Variants in PHAF1 observed in about 807,000 individuals in gnomAD.
The protein encoded by PHAF1 is phagophore assembly factor 1.
A neutral mutation model predicts 63.1 loss-of-function variants in PHAF1; 23 were observed. The ratio of observed to expected loss-of-function variants is 0.36; its 90% CI spans 0.26 to 0.52. PHAF1 has a LOEUF of 0.52. Among genes scored for constraint, PHAF1 ranks in the 20% least tolerant of loss-of-function variants. PHAF1 has a pLI of 0.93. For missense variants in PHAF1, 427 were observed against 517.2 expected (o/e 0.83, Z 1.69); for synonymous variants, 167 against 185.0 (o/e 0.90, Z 0.79).
At chr16:67,144,769 T>C in intron 11 of PHAF1, 65 bp from the exon 12 acceptor site, 1 of 1,543,534 alleles carries the variant, frequency 6.5e-7, no homozygotes, top group African/African-American at 1.4e-5. Context: ...GGGTGTGGGG[T>C]TGGAATATGG....
In PHAF1 at chr16:67,145,646, G is replaced by A. The variant is rs373152256; in HGVS notation, c.1109+18G>A. On this transcript the variant is annotated intron_variant, in intron 14 of 15. Transcript: ENST00000219139. ...CTGCACAGGTGAGTGGGAGTTTGAT[G>A]TCCCCGGCCACCCCACCTGACTCCT... 3 of 1,605,464 alleles carry A rather than the reference G, an allele frequency of 1.9e-6. No homozygotes were observed. Among genetic ancestry groups the A allele is most frequent in the Non-Finnish European group, 2.5e-6 (3 of 1,176,502 alleles).
At chr16:67,124,443 C>G (rs895095353) in intron 2 of PHAF1, among the ~76,000 whole-genome samples, 4 of 152,210 alleles carry the variant, frequency 2.6e-5, no homozygotes, top group Non-Finnish European at 5.9e-5. Context: ...AAGGAAGCAA[C>G]CTGCCCTAAT....
rs766977374 is a variant in PHAF1, at chr16:67,131,288, G to A, written c.234G>A (p.Val78=). 2 of 1,575,368 alleles carry A rather than the reference G, an allele frequency of 1.3e-6. No individual in the cohort carries two copies. Among genetic ancestry groups the A allele is most frequent in the Non-Finnish European group, 1.7e-6 (2 of 1,160,404 alleles). ...ACAACTCTTAAACTTTTTTTTAGGT[G>A]ATCGAAGTATGTGATTTGACTAAAG... ...MFDAFNQRLK[V]IEVCDLTKVK... Residue 78 remains valine, a splice_region_variant and synonymous_variant, in exon 4 of 16, where the codon GTG becomes GTA. Coordinates refer to ENST00000219139, the MANE Select transcript of PHAF1 (RefSeq NM_025187.5).
chr16:67,140,021 G>C lies in PHAF1; in HGVS notation c.699G>C (p.Arg233=), dbSNP rs146054792. 1 of 1,613,976 alleles carries C rather than the reference G, an allele frequency of 6.2e-7. No individual in the cohort carries two copies. Among genetic ancestry groups the C allele is most frequent in the African/African-American group, 1.3e-5 (1 of 74,882 alleles). The part of the protein sequence containing the change: ...GPGLLADAKM[R]VFERSVYFGD... ...GCCTATTAGCAGATGCCAAGATGCG[G>C]GTATTTGAACGTTCAGTGTATTTTG... Residue 233 remains arginine (R), a synonymous_variant, in exon 9 of 16, where the codon CGG becomes CGC. Coordinates refer to ENST00000219139, the MANE Select transcript of PHAF1 (RefSeq NM_025187.5).
In PHAF1 at chr16:67,148,501, A is replaced by G. The variant is rs974665377; in HGVS notation, c.*1370A>G. The G allele has an allele frequency of 6.6e-6, 1 of 152,394 alleles. No individual in the cohort carries two copies. The highest frequency in any genetic ancestry group is 2.4e-5 in the African/African-American group (1 of 41,454). The allele number at this position is 152,394 out of a possible 1,614,324, so 9.4% of individuals were successfully genotyped here. ...CAATAAAGCACCTGTGCCCTCAGCA[A>G]TGGCCTGCCATGTGCTGTTGCTGGG... On this transcript the variant is annotated 3_prime_UTR_variant, in exon 16 of 16. Coordinates refer to ENST00000219139, the MANE Select transcript of PHAF1 (RefSeq NM_025187.5).
At chr16:67,125,422 T>C (rs745632877) in intron 2 of PHAF1, among the ~76,000 whole-genome samples, 1 of 152,192 alleles carries the variant, frequency 6.6e-6, no homozygotes, top group African/African-American at 2.4e-5. Flanking sequence ...TCACAATATA[T>C]TTCTTTGTCC....
intron 11 of PHAF1, among the ~76,000 whole-genome samples, 162 bp from the exon 12 acceptor site, chr16:67,144,672 G>C (rs774785322): frequency 6.6e-6 from 1 of 152,166 alleles, no homozygotes. Flanking sequence ...TTCGACTTCC[G>C]TGCCTAAATC....
intron 6 of PHAF1, among the ~76,000 whole-genome samples, chr16:67,133,429 C>T (rs995788497): frequency 2.7e-5 from 4 of 147,792 alleles, no homozygotes; most frequent in Admixed American, 1.4e-4. Flanking sequence ...CCAAGGCGGG[C>T]GGATGACTTG....
rs1222896659 is a variant in PHAF1, at chr16:67,110,090, G to T, written c.-86G>T. On this transcript the variant is annotated 5_prime_UTR_variant, in exon 1 of 16. Transcript: ENST00000219139. ...GGGCTGTGGCGGGCCGGCGGGGGCG[G>T]CCTGTCAGCCGCTGCTTTGTCTCCT... 3 of 1,420,112 alleles carry T rather than the reference G, an allele frequency of 2.1e-6. No individual in the cohort carries two copies. The highest frequency in any genetic ancestry group is 2.7e-5 in the South Asian group (2 of 73,986). 88.0% of individuals were successfully genotyped at this position (1,420,112 alleles called of 1,614,324 possible).
At chr16:67,135,781 AT>A in intron 8 of PHAF1, 1 of 151,676 alleles carries the variant, frequency 6.6e-6, no homozygotes, top group Non-Finnish European at 1.5e-5. Context: ...TTTTCTCCCT[AT>A]ATTATCCAGG....
intron 1 of PHAF1, among the ~76,000 whole-genome samples, chr16:67,119,299 G>A (rs975137129): frequency 3.9e-5 from 6 of 152,072 alleles, no homozygotes; most frequent in Admixed American, 3.3e-4. Flanking sequence ...TTCTCTGAGC[G>A]CTTGTCTGTG....
Position 67,109,990 on chromosome 16 carries a change from G to C in PHAF1, c.-186G>C, listed in dbSNP as rs1962437424. On this transcript the variant is annotated 5_prime_UTR_variant, in exon 1 of 16. Coordinates refer to ENST00000219139, the MANE Select transcript of PHAF1 (RefSeq NM_025187.5). ...GCCCCCGCTGCCGCGGCTGCTGCAG[G>C]TGAGGTGAAGTGAGGTGAGGTGTGG... 2 of 565,372 alleles carry C rather than the reference G, an allele frequency of 3.5e-6. No homozygotes were observed. Among genetic ancestry groups the C allele is most frequent in the Non-Finnish European group, 6.2e-6 (2 of 324,196 alleles). 35.0% of individuals were successfully genotyped at this position (565,372 alleles called of 1,614,324 possible). A position where few individuals can be genotyped will look rare whatever the true frequency, so the allele number is the denominator to read the frequency against.
intron 8 of PHAF1, chr16:67,135,840 A>G (rs575532461): frequency 1.3e-5 from 2 of 152,306 alleles, no homozygotes; most frequent in East Asian, 3.9e-4. Context: ...GGCTCAAGCA[A>G]TCCTGCCTTA....
intron 1 of PHAF1, among the ~76,000 whole-genome samples, chr16:67,111,586 C>G (rs1159718992): frequency 6.6e-6 from 1 of 152,170 alleles, no homozygotes; most frequent in Non-Finnish European, 1.5e-5. Context: ...TGCTTAGTGG[C>G]TACATATGTC....
At chr16:67,134,029 G>T (rs1941827491) in intron 6 of PHAF1, 139 bp from the exon 7 acceptor site, 4 of 666,776 alleles carry the variant, frequency 6.0e-6, no homozygotes, top group Non-Finnish European at 1.1e-5. Flanking sequence ...CTGACCCAGA[G>T]CCAGAGAGCC....
At position 67,110,296 on chromosome 16, in the gene PHAF1, C is replaced by T. The variant is rs749594134; in HGVS notation, c.64+57C>T. The T allele has an allele frequency of 3.2e-4, 488 of 1,526,586 alleles. 1 individual carries two copies. The highest frequency in any genetic ancestry group is 4.0e-4 in the Non-Finnish European group (447 of 1,124,682). 94.6% of individuals were successfully genotyped at this position (1,526,586 alleles called of 1,614,324 possible). ...TCGCTGATCCTTGCTTTCTCCTGGGCTCTTCCCACCTGTTCTCAGTCTCTC... is the reference window on the plus strand; with the variant it reads ...TCGCTGATCCTTGCTTTCTCCTGGGTTCTTCCCACCTGTTCTCAGTCTCTC... On this transcript the variant is annotated intron_variant, in intron 1 of 15. Transcript: ENST00000219139.
At chr16:67,145,863 G>C (rs2030012673) in intron 14 of PHAF1, among the ~76,000 whole-genome samples, 2 of 152,202 alleles carry the variant, frequency 1.3e-5, no homozygotes, top group African/African-American at 4.8e-5. Flanking sequence ...CCTACCTCTA[G>C]GTATGGGGGC....
chr16:67,145,920 G>A (rs183751423), intron 14 of PHAF1, among the ~76,000 whole-genome samples: 1 of 152,272 alleles, frequency 6.6e-6, no homozygotes, highest in East Asian at 1.9e-4. Flanking sequence ...TTGGCTGGCT[G>A]GCCTGGGCTC....
Position 67,146,249 on chromosome 16 carries a change from C to T in PHAF1, c.1110-29C>T, listed in dbSNP as rs1442510573. ...CTTTAAGGCCGTGGCCTCTGTCTGC[C>T]TCTCTAATTCTGAATTCTTTGGCCT... is the stretch of plus-strand genomic sequence containing the variant. On this transcript the variant is annotated intron_variant, in intron 14 of 15. Coordinates refer to ENST00000219139, the MANE Select transcript of PHAF1 (RefSeq NM_025187.5). The T allele has an allele frequency of 1.9e-6, 3 of 1,600,300 alleles. No homozygotes were observed. In the Admixed American group the frequency reaches 5.0e-5, roughly 27 times the overall value.
Sources: gnomAD v4.1 joint callset for allele counts (sites outside exome capture counted in the v4.1 genomes callset) on GRCh38, gnomAD v4.1.1 for gene constraint, MANE v1.5 for transcripts, NCBI Gene and HGNC (gene_info 2026-07-23, HGNC 2026-07-21) for gene names.